The following PRKCB variants were observed in gnomAD, a reference collection of about 807,000 sequenced individuals.
PRKCB encodes the protein protein kinase C beta type.
In PRKCB, 13 loss-of-function variants were observed where a neutral mutation model predicts 81.5. That is an observed-to-expected ratio of 0.16 (90% CI 0.10 to 0.25). The LOEUF (loss-of-function observed/expected upper bound fraction) is 0.25. PRKCB is among the 10% of genes least tolerant of loss of function. The pLI is 1.00. For synonymous variants in PRKCB, 335 were observed against 321.4 expected (o/e 1.04, Z -0.45); for missense variants, 509 against 875.7 (o/e 0.58, Z 5.29).
chr16:23,993,866 A>G (rs1008059928), intron 3 of PRKCB, among the ~76,000 whole-genome samples: 1 of 152,176 alleles, frequency 6.6e-6, no homozygotes, highest in African/African-American at 2.4e-5. Context: ...TGGGAAGCCT[A>G]CTAAATTCTT....
intron 2 of PRKCB, among the ~76,000 whole-genome samples, chr16:23,977,599 T>C (rs1164806861): frequency 2.0e-5 from 3 of 152,172 alleles, no homozygotes; most frequent in Non-Finnish European, 2.9e-5. Flanking sequence ...CTCACACATG[T>C]GGTCGCGCAT....
intron 3 of PRKCB, among the ~76,000 whole-genome samples, chr16:24,024,907 C>T (rs1227509208): frequency 2.6e-5 from 4 of 151,642 alleles, no homozygotes; most frequent in African/African-American, 9.7e-5. Flanking sequence ...AGGAGTGTGG[C>T]TTTAAGCTCT....
chr16:23,971,071 T>A (rs1596492177), intron 2 of PRKCB, among the ~76,000 whole-genome samples: 2 of 152,324 alleles, frequency 1.3e-5, no homozygotes, highest in South Asian at 4.1e-4. Context: ...TACATATACA[T>A]GAGATAATTC....
At chr16:24,061,475 G>A (rs1965972857) in intron 5 of PRKCB, among the ~76,000 whole-genome samples, 1 of 152,234 alleles carries the variant, frequency 6.6e-6, no homozygotes. Flanking sequence ...GTGCCTTCCT[G>A]TGGGAGTGTG....
intron 2 of PRKCB, among the ~76,000 whole-genome samples, chr16:23,852,691 G>T (rs890210985): frequency 6.6e-6 from 1 of 152,130 alleles, no homozygotes; most frequent in Non-Finnish European, 1.5e-5. Flanking sequence ...TCCAGATCAA[G>T]AAACAGAACA....
At chr16:24,043,898 C>T (rs1449663872) in intron 5 of PRKCB, among the ~76,000 whole-genome samples, 1 of 152,164 alleles carries the variant, frequency 6.6e-6, no homozygotes, top group Admixed American at 6.5e-5. Context: ...TTTTGACTCT[C>T]ACGTTTTCCT....
intron 2 of PRKCB, among the ~76,000 whole-genome samples, chr16:23,843,243 C>CA (rs1050907689): frequency 6.6e-6 from 1 of 151,698 alleles, no homozygotes; most frequent in Non-Finnish European, 1.5e-5. Flanking sequence ...TCCATTTTTT[C>CA]AAAAAATCAC....
At chr16:24,030,337 C>T (rs897131501) in intron 3 of PRKCB, among the ~76,000 whole-genome samples, 9 of 143,612 alleles carry the variant, frequency 6.3e-5, no homozygotes, top group Non-Finnish European at 1.2e-4. Context: ...TGTTTGGGAG[C>T]GGGGGTGCGC....
chr16:23,869,914 C>G (rs985931474), intron 2 of PRKCB, among the ~76,000 whole-genome samples: 6 of 151,774 alleles, frequency 4.0e-5, no homozygotes, highest in African/African-American at 1.5e-4. Context: ...CCCAGCTACT[C>G]AGGAGGCTGA....
intron 8 of PRKCB, among the ~76,000 whole-genome samples, chr16:24,120,667 A>G (rs1166914853): frequency 2.0e-5 from 3 of 152,016 alleles, no homozygotes; most frequent in Admixed American, 2.0e-4. Context: ...TCTGCTACCC[A>G]TCTGGGGTCA....
In PRKCB at chr16:24,216,342, G is replaced by A; in HGVS notation, c.*1526G>A. ...TTGGACTAAATATTCTTTCTAGCAA[G>A]CAGCTTTGTGAGCTCCCTGAAGCCC... On this transcript the variant is annotated 3_prime_UTR_variant, in exon 17 of 17. Coordinates refer to ENST00000643927, the MANE Select transcript of PRKCB (RefSeq NM_002738.7). The A allele has an allele frequency of 6.1e-6, 6 of 985,420 alleles. No homozygotes were observed. Among genetic ancestry groups the A allele is most frequent in the Non-Finnish European group, 7.2e-6 (6 of 829,928 alleles). 61.0% of individuals were successfully genotyped at this position (985,420 alleles called of 1,614,324 possible). A position where few individuals can be genotyped will look rare whatever the true frequency, so the allele number is the denominator to read the frequency against.
intron 7 of PRKCB, among the ~76,000 whole-genome samples, chr16:24,101,375 G>T (rs1966505806): frequency 6.6e-6 from 1 of 152,106 alleles, no homozygotes; most frequent in South Asian, 2.1e-4. Flanking sequence ...ATGAGATCCT[G>T]TCTCAACAAA....
intron 2 of PRKCB, among the ~76,000 whole-genome samples, chr16:23,924,248 G>C (rs932555619): frequency 2.0e-5 from 3 of 152,070 alleles, no homozygotes; most frequent in African/African-American, 7.2e-5. Flanking sequence ...GTCCAAGCTT[G>C]CTTCCCCTTC....
intron 2 of PRKCB, among the ~76,000 whole-genome samples, chr16:23,878,209 T>C (rs1309614761): frequency 2.6e-5 from 4 of 152,154 alleles, no homozygotes; most frequent in Admixed American, 2.6e-4. Flanking sequence ...CACTGAACCA[T>C]TGTTCCTAGG....
chr16:24,154,432 A>G (rs1267826228), intron 9 of PRKCB, among the ~76,000 whole-genome samples: 15 of 152,190 alleles, frequency 9.9e-5, no homozygotes, highest in Admixed American at 9.8e-4. Context: ...GCAGTGAGCT[A>G]TGATCATGTT....
At chr16:24,053,024 T>G (rs1206117285) in intron 5 of PRKCB, among the ~76,000 whole-genome samples, 1 of 152,224 alleles carries the variant, frequency 6.6e-6, no homozygotes, top group African/African-American at 2.4e-5. Flanking sequence ...TTCCAGCACT[T>G]GAGCTCTAAA....
chr16:24,108,767 C>T (rs1448868948), intron 7 of PRKCB, among the ~76,000 whole-genome samples: 13 of 144,602 alleles, frequency 9.0e-5, no homozygotes, highest in East Asian at 8.1e-4. Context: ...TACACAGACA[C>T]GGCAACCATC....
intron 2 of PRKCB, among the ~76,000 whole-genome samples, chr16:23,952,695 C>T (rs1488404547): frequency 6.6e-6 from 1 of 152,156 alleles, no homozygotes; most frequent in Non-Finnish European, 1.5e-5. Flanking sequence ...GGAGGCTTGG[C>T]TTCTCATTGC....
chr16:24,075,845 C>T (rs1966169755), intron 5 of PRKCB, among the ~76,000 whole-genome samples: 1 of 152,216 alleles, frequency 6.6e-6, no homozygotes, highest in Admixed American at 6.5e-5. Context: ...ATGAGTGTCA[C>T]ATCAGAGTCA....
Sources: gnomAD v4.1 joint callset for allele counts (sites outside exome capture counted in the v4.1 genomes callset) on GRCh38, gnomAD v4.1.1 for gene constraint, MANE v1.5 for transcripts, NCBI Gene and HGNC (gene_info 2026-07-23, HGNC 2026-07-21) for gene names.